ARHGAP21: variants seen among roughly 807,000 people sequenced by gnomAD.
ARHGAP21 encodes rho GTPase-activating protein 21.
A neutral mutation model predicts 164.6 loss-of-function variants in ARHGAP21; 38 were observed. That is an observed-to-expected ratio of 0.23 (90% confidence interval 0.18 to 0.30). The LOEUF is 0.30. Among genes scored for constraint, ARHGAP21 ranks in the 10% least tolerant of loss-of-function variants. The probability of loss-of-function intolerance (pLI) is 1.00; values close to 1 mark genes in which losing one functional copy is unlikely to be tolerated. For synonymous variants in ARHGAP21, 766 were observed against 857.9 expected, an observed-to-expected ratio of 0.89 and a Z score of 1.87; for missense variants, 1,822 against 2,370.7, an observed-to-expected ratio of 0.77 and a Z score of 4.81.
chr10:24,592,129 A>T (rs1048736610), intron 21 of ARHGAP21, 117 bp from the exon 22 acceptor site: 2 of 856,836 alleles, frequency 2.3e-6, no homozygotes, highest in Non-Finnish European at 3.3e-6. Context: ...TTTGATGTAG[A>T]TTAAAAAAAT....
At chr10:24,613,098 A>C (rs2077339214) in intron 9 of ARHGAP21, among the ~76,000 whole-genome samples, 1 of 151,910 alleles carries the variant, frequency 6.6e-6, no homozygotes, top group Admixed American at 6.6e-5. Context: ...AAAAAATTGA[A>C]CTCCCTAGGC....
At chr10:24,653,223 G>A (rs1838386694) in intron 4 of ARHGAP21, among the ~76,000 whole-genome samples, 1 of 152,150 alleles carries the variant, frequency 6.6e-6, no homozygotes, top group Non-Finnish European at 1.5e-5. Context: ...CCCTTTCCCA[G>A]TCAATTCAGG....
At chr10:24,651,780 T>G (rs909230609) in intron 4 of ARHGAP21, among the ~76,000 whole-genome samples, 1 of 152,216 alleles carries the variant, frequency 6.6e-6, no homozygotes. Context: ...ATGAGAGAGA[T>G]ACACCAGATT....
intron 2 of ARHGAP21, among the ~76,000 whole-genome samples, chr10:24,676,494 T>C (rs930747520): frequency 2.6e-5 from 4 of 152,080 alleles, no homozygotes; most frequent in African/African-American, 7.2e-5. Context: ...TGGGTACACA[T>C]GGACATACAG....
chr10:24,672,797 G>A (rs1312803010), intron 2 of ARHGAP21, among the ~76,000 whole-genome samples: 1 of 152,088 alleles, frequency 6.6e-6, no homozygotes, highest in Non-Finnish European at 1.5e-5. Context: ...AGCCAAACTT[G>A]CAGTAGGGGT....
intron 2 of ARHGAP21, among the ~76,000 whole-genome samples, chr10:24,718,009 A>G (rs752165099): frequency 6.6e-6 from 1 of 152,170 alleles, no homozygotes; most frequent in Non-Finnish European, 1.5e-5. Context: ...GTAGGGACAG[A>G]GCTGCGGAAG....
At chr10:24,666,917 T>C in intron 4 of ARHGAP21, 68 bp downstream of exon 4, 2 of 1,102,092 alleles carry the variant, frequency 1.8e-6, no homozygotes, top group Non-Finnish European at 2.6e-6. Context: ...TCATTTAGTA[T>C]CACTTAAAGA....
At chr10:24,681,409 T>C (rs1841740822) in intron 2 of ARHGAP21, among the ~76,000 whole-genome samples, 1 of 152,196 alleles carries the variant, frequency 6.6e-6, no homozygotes, top group South Asian at 2.1e-4. Flanking sequence ...CAAAAGTAAA[T>C]GCAAGGGAAT....
intron 2 of ARHGAP21, among the ~76,000 whole-genome samples, chr10:24,685,018 C>CT (rs911208482): frequency 6.6e-5 from 10 of 151,950 alleles, no homozygotes; most frequent in East Asian, 1.9e-4. Context: ...CTTTAGTTTC[C>CT]TTTTTTTTGT....
intron 4 of ARHGAP21, among the ~76,000 whole-genome samples, chr10:24,655,968 C>T (rs1838810005): frequency 8.1e-6 from 1 of 123,690 alleles, no homozygotes; most frequent in African/African-American, 3.4e-5. Flanking sequence ...TGAGGAGACC[C>T]TCTGCCTGGC....
intron 4 of ARHGAP21, among the ~76,000 whole-genome samples, chr10:24,663,655 A>G (rs1473647435): frequency 6.6e-6 from 1 of 152,132 alleles, no homozygotes; most frequent in Non-Finnish European, 1.5e-5. Flanking sequence ...CAGCCTCCTG[A>G]GTAGCTGGGA....
At chr10:24,591,611 C>T in intron 23 of ARHGAP21, 31 bp downstream of exon 23, 1 of 1,611,078 alleles carries the variant, frequency 6.2e-7, no homozygotes, top group African/African-American at 1.3e-5. Flanking sequence ...AATGAAACTA[C>T]TGAGTACAAA....
intron 4 of ARHGAP21, among the ~76,000 whole-genome samples, chr10:24,660,819 G>T (rs574277041): frequency 6.6e-6 from 1 of 152,232 alleles, no homozygotes; most frequent in East Asian, 1.9e-4. Flanking sequence ...CGATTGTGAA[G>T]AAAGTTATTG....
chr10:24,688,683 C>T (rs1185995099), intron 2 of ARHGAP21, among the ~76,000 whole-genome samples: 1 of 152,108 alleles, frequency 6.6e-6, no homozygotes, highest in Admixed American at 6.6e-5. Context: ...GTGAATCACC[C>T]ATTTACTCAT....
At chr10:24,696,205 C>T (rs747303679) in intron 2 of ARHGAP21, among the ~76,000 whole-genome samples, 1 of 152,172 alleles carries the variant, frequency 6.6e-6, no homozygotes, top group Non-Finnish European at 1.5e-5. Flanking sequence ...GCTTACTACA[C>T]AGAAAGTTTC....
Position 24,591,630 on chromosome 10 carries a change from G to C in ARHGAP21, c.4044+12C>G, listed in dbSNP as rs1337572642. The C allele has an allele frequency of 4.3e-6, 7 of 1,613,632 alleles. No individual in the cohort carries two copies. Among genetic ancestry groups the C allele is most frequent in the East Asian group, 2.2e-5 (1 of 44,868 alleles). On this transcript the variant is annotated intron_variant, in intron 23 of 25. Transcript: ENST00000396432. The stretch of plus-strand genomic sequence containing the variant: ...AAACTACTGAGTACAAATGCTGACA[G>C]ACAATACTTACAAGAGGCTCTTCAG...
At chr10:24,683,472 T>G (rs1181964981) in intron 2 of ARHGAP21, among the ~76,000 whole-genome samples, 1 of 152,118 alleles carries the variant, frequency 6.6e-6, no homozygotes, top group Non-Finnish European at 1.5e-5. Flanking sequence ...CTCTCTGATT[T>G]ACTTTATTTT....
chr10:24,597,036 T>C (rs1281994299), intron 16 of ARHGAP21, among the ~76,000 whole-genome samples, 154 bp from the exon 17 acceptor site: 1 of 151,920 alleles, frequency 6.6e-6, no homozygotes, highest in Non-Finnish European at 1.5e-5. Context: ...TTCTCTTCCA[T>C]ATAACTTTTA....
At chr10:24,594,730 TACTG>T (rs968426864) in intron 21 of ARHGAP21, among the ~76,000 whole-genome samples, 4 of 152,234 alleles carry the variant, frequency 2.6e-5, no homozygotes, top group African/African-American at 4.8e-5. Flanking sequence ...TCATTTTTCT[TACTG>T]AATAACCATA....
Sources: gnomAD v4.1 joint callset for allele counts (sites outside exome capture counted in the v4.1 genomes callset) on GRCh38, gnomAD v4.1.1 for gene constraint, MANE v1.5 for transcripts, NCBI Gene and HGNC (gene_info 2026-07-23, HGNC 2026-07-21) for gene names.